KIAA1671: variants seen among roughly 807,000 people sequenced by gnomAD.
KIAA1671 encodes KIAA1671.
KIAA1671 carries 52 observed loss-of-function variants against 131.2 expected under a neutral mutation model. That is an observed-to-expected ratio of 0.40 (90% CI 0.32 to 0.50). KIAA1671 has a LOEUF of 0.50. Among genes scored for constraint, KIAA1671 ranks in the 20% least tolerant of loss-of-function variants. The pLI, the probability that KIAA1671 is intolerant of heterozygous loss-of-function variation, is 0.73. For synonymous variants in KIAA1671, 1,003 were observed against 961.6 expected, an observed-to-expected ratio of 1.04 and a Z score of -0.80; for missense variants, 2,360 against 2,364.2, an observed-to-expected ratio of 1.00 and a Z score of 0.04.
At chr22:25,186,742 C>A (rs1934488496) in intron 11 of KIAA1671, among the ~76,000 whole-genome samples, 1 of 152,260 alleles carries the variant, frequency 6.6e-6, no homozygotes. Context: ...GCCAGATGTA[C>A]CTGGGAGCCT....
chr22:24,985,011 C>A (rs1923445620), intron 1 of KIAA1671, among the ~76,000 whole-genome samples: 1 of 151,642 alleles, frequency 6.6e-6, no homozygotes, highest in Non-Finnish European at 1.5e-5. Context: ...GTATCCTAGG[C>A]CCCGGGCCCA....
chr22:25,179,659 A>G, intron 9 of KIAA1671: 1 of 644,562 alleles, frequency 1.6e-6, no homozygotes, highest in Non-Finnish European at 2.7e-6. Context: ...CTTATCAGAA[A>G]CTAGGTAAAA....
chr22:25,084,187 G>C (rs1262322597), intron 6 of KIAA1671, among the ~76,000 whole-genome samples: 1 of 152,162 alleles, frequency 6.6e-6, no homozygotes, highest in South Asian at 2.1e-4. Context: ...AGTGGCTCCT[G>C]TGTGTATAGA....
intron 6 of KIAA1671, among the ~76,000 whole-genome samples, chr22:25,114,829 A>G (rs1187994448): frequency 6.6e-6 from 1 of 152,206 alleles, no homozygotes. Flanking sequence ...GCCACAGACA[A>G]TTACTTAAGA....
At chr22:24,985,995 G>A (rs1569198809) in intron 1 of KIAA1671, among the ~76,000 whole-genome samples, 1 of 152,176 alleles carries the variant, frequency 6.6e-6, no homozygotes, top group African/African-American at 2.4e-5. Context: ...GTGCGTGTGT[G>A]TGTTATGGGG....
intron 6 of KIAA1671, among the ~76,000 whole-genome samples, chr22:25,101,257 G>A (rs937871823): frequency 4.6e-5 from 7 of 152,164 alleles, no homozygotes; most frequent in African/African-American, 1.7e-4. Flanking sequence ...GGGGCCTGCC[G>A]CCTGCCTTTT....
chr22:25,114,862 G>A (rs1931575453), intron 6 of KIAA1671, among the ~76,000 whole-genome samples: 2 of 152,210 alleles, frequency 1.3e-5, no homozygotes, highest in South Asian at 2.1e-4. Context: ...AGCAGTATCC[G>A]TGGCTGGGGC....
Position 25,029,386 on chromosome 22 carries a change from C to G in KIAA1671, c.1387C>G (p.Pro463Ala). 6.4e-7 allele frequency: 1 copy of G among 1,551,442 alleles called. No individual in the cohort carries two copies. Among genetic ancestry groups the G allele is most frequent in the Non-Finnish European group, 8.7e-7 (1 of 1,146,868 alleles). Residue 463 changes from proline to alanine, a missense_variant, in exon 3 of 13, where the codon CCT becomes GCT. Pro to Ala is a conservative substitution (Grantham distance 27). Around this residue, in one of 3 missense-constraint regions of KIAA1671, gnomAD observed 1,185 missense variants for 1,126.2 expected, o/e 1.05. Coordinates refer to ENST00000358431, the MANE Select transcript of KIAA1671 (RefSeq NM_001145206.2). ...AVGSESPLAT[P>A]ASPSAAPEPE... is the part of the protein sequence containing the mutation. ...GGGGTCTGAATCTCCCCTGGCCACC[C>G]CTGCGTCCCCATCGGCGGCACCAGA...
chr22:25,188,505 T>G (rs1299039649), intron 11 of KIAA1671, among the ~76,000 whole-genome samples: 1 of 148,242 alleles, frequency 6.7e-6, no homozygotes, highest in Non-Finnish European at 1.5e-5. Flanking sequence ...AATAATACAG[T>G]TGATCCCTGA....
Position 25,197,386 on chromosome 22 carries a change from A to G in KIAA1671, c.*4985A>G, listed in dbSNP as rs1420230259. On this transcript the variant is annotated 3_prime_UTR_variant, in exon 13 of 13. Coordinates refer to ENST00000358431, the MANE Select transcript of KIAA1671 (RefSeq NM_001145206.2). The stretch of plus-strand genomic sequence containing the variant: ...AAACAAGATGACCTTTGCATGTACA[A>G]AGATGTTGCATTCAGACTATGAAAA... The G allele has an allele frequency of 6.6e-6, 1 of 152,250 alleles. No homozygotes were observed. The highest frequency in any genetic ancestry group is 1.5e-5 in the Non-Finnish European group (1 of 68,054). The allele number at this position is 152,250 out of a possible 1,614,324, so 9.4% of individuals were successfully genotyped here.
Position 25,177,986 on chromosome 22 carries a change from C to T in KIAA1671, c.5074+464C>T, listed in dbSNP as rs376663631. ...TGGTCCCTGGTGTGGCTCTGGAAGACGCTGGCAGTGCCCGGCCAAGGCCTC... is the reference window on the plus strand; with the variant it reads ...TGGTCCCTGGTGTGGCTCTGGAAGATGCTGGCAGTGCCCGGCCAAGGCCTC... On this transcript the variant is annotated intron_variant, in intron 9 of 12. Transcript: ENST00000358431. Among the ~76,000 whole-genome samples, 5 of 152,272 alleles carry T rather than the reference C, an allele frequency of 3.3e-5. No homozygotes were observed. In the South Asian group the frequency reaches 6.2e-4, roughly 19 times the overall value.
intron 6 of KIAA1671, among the ~76,000 whole-genome samples, chr22:25,153,446 A>G (rs1420954875): frequency 6.6e-6 from 1 of 152,228 alleles, no homozygotes; most frequent in Non-Finnish European, 1.5e-5. Flanking sequence ...CCGTAGTGCC[A>G]TGGTTGGGAA....
chr22:24,983,919 C>CA (rs1923370389), intron 1 of KIAA1671, among the ~76,000 whole-genome samples: 1 of 151,936 alleles, frequency 6.6e-6, no homozygotes, highest in South Asian at 2.1e-4. Context: ...GCTGGGATTA[C>CA]AGGCATGCAC....
At chr22:25,038,717 C>A in intron 4 of KIAA1671, 43 bp from the exon 5 acceptor site, 1 of 1,491,822 alleles carries the variant, frequency 6.7e-7, no homozygotes, top group Non-Finnish European at 9.0e-7. Flanking sequence ...ATCTCAAATC[C>A]TTAAACACTG....
chr22:24,997,516 G>A (rs1412678139), intron 1 of KIAA1671, among the ~76,000 whole-genome samples: 1 of 152,148 alleles, frequency 6.6e-6, no homozygotes, highest in African/African-American at 2.4e-5. Flanking sequence ...TTAGGAGCTG[G>A]GAGGGAAAGG....
In KIAA1671 at chr22:25,107,147, A is replaced by T. The variant is rs182895929; in HGVS notation, c.4530+57783A>T. Among the ~76,000 whole-genome samples, 226 of 152,300 alleles carry T rather than the reference A, an allele frequency of 1.5e-3. 4 individuals carry two copies. In the South Asian group the frequency reaches 0.033, roughly 22 times the overall value. On this transcript the variant is annotated intron_variant, in intron 6 of 12. Transcript: ENST00000358431. ...TGCGGTGGCTCACACCTGTGATTCC[A>T]GCACTTTGGGAGGCGGAGGGGGGCA...
In KIAA1671 at chr22:25,093,850, C is replaced by CTT. The variant is rs1568951685; in HGVS notation, c.4530+44487_4530+44488insTT. The stretch of plus-strand genomic sequence containing the variant: ...TCTCTCTCTGTCTGTCTCTCTCTCT[C>CTT]TCTCTCTCTCTCTCTCTCTCTCTCT... On this transcript the variant is annotated intron_variant, in intron 6 of 12. Coordinates refer to ENST00000358431, the MANE Select transcript of KIAA1671 (RefSeq NM_001145206.2). Among the ~76,000 whole-genome samples, 17 of 116,860 alleles carry CTT rather than the reference C, an allele frequency of 1.5e-4. 2 individuals carry two copies. The highest frequency in any genetic ancestry group is 5.1e-4 in the African/African-American group (16 of 31,538). The allele number at this position is 116,860 out of a possible 152,430, so 76.7% of individuals were successfully genotyped here.
At chr22:25,123,190 GTTTTTT>G (rs59051108) in intron 6 of KIAA1671, among the ~76,000 whole-genome samples, 2 of 63,374 alleles carry the variant, frequency 3.2e-5, no homozygotes, top group Non-Finnish European at 5.3e-5. Flanking sequence ...CTGAGATGAG[GTTTTTT>G]TTTTTTTTTT....
intron 9 of KIAA1671, chr22:25,179,521 C>T: frequency 1.2e-6 from 2 of 1,606,556 alleles, no homozygotes; most frequent in Non-Finnish European, 1.7e-6. Flanking sequence ...GCTCGCGCGG[C>T]TCCACCAGCT....
Sources: allele counts gnomAD v4.1 joint callset (sites outside exome capture counted in the v4.1 genomes callset), GRCh38; gene constraint gnomAD v4.1.1; regional missense constraint gnomAD v4.1.1; transcripts MANE v1.5; gene names NCBI Gene and HGNC (gene_info 2026-07-23, HGNC 2026-07-21).